NLGN1: variants seen among roughly 807,000 people sequenced by gnomAD.
NLGN1 encodes the protein neuroligin 1.
A neutral mutation model predicts 65.5 loss-of-function variants in NLGN1; 12 were observed. That is an observed-to-expected ratio of 0.18 (90% CI 0.12 to 0.30). The LOEUF (loss-of-function observed/expected upper bound fraction) is 0.30, where lower values mean the gene tolerates loss of function less well. Among genes scored for constraint, NLGN1 ranks in the 10% least tolerant of loss-of-function variants. NLGN1 has a pLI of 1.00. For missense variants in NLGN1, 750 were observed against 1,007.1 expected (o/e 0.74, Z 3.46); for synonymous variants, 350 against 359.5 (o/e 0.97, Z 0.30).
At chr3:173,436,546 C>T (rs952910415) in intron 2 of NLGN1, among the ~76,000 whole-genome samples, 10 of 152,288 alleles carry the variant, frequency 6.6e-5, no homozygotes, top group Admixed American at 2.0e-4. Context: ...CGTGGTTTAA[C>T]TATGTGTCCC....
downstream of NLGN1, among the ~76,000 whole-genome samples, chr3:174,288,823 C>A (rs762251821): frequency 7.3e-5 from 11 of 151,456 alleles, no homozygotes; most frequent in Non-Finnish European, 1.3e-4. Flanking sequence ...CTATTACATT[C>A]TTTGTTGGCC....
At chr3:173,889,791 A>G (rs1315150169) in intron 4 of NLGN1, among the ~76,000 whole-genome samples, 1 of 151,674 alleles carries the variant, frequency 6.6e-6, no homozygotes, top group Non-Finnish European at 1.5e-5. Flanking sequence ...CATCCAAAAA[A>G]TATGCATCCT....
chr3:173,805,511 G>A (rs1010363892), intron 3 of NLGN1, among the ~76,000 whole-genome samples: 1 of 152,134 alleles, frequency 6.6e-6, no homozygotes, highest in Non-Finnish European at 1.5e-5. Context: ...TTCTGACAAT[G>A]TCCACTTAAT....
At chr3:173,739,883 A>C (rs1006827421) in intron 3 of NLGN1, among the ~76,000 whole-genome samples, 1 of 152,100 alleles carries the variant, frequency 6.6e-6, no homozygotes, top group Non-Finnish European at 1.5e-5. Context: ...TTCTGGGTGG[A>C]ATTCTTTCAT....
chr3:174,098,819 C>G (rs982194742), intron 4 of NLGN1, among the ~76,000 whole-genome samples: 2 of 152,126 alleles, frequency 1.3e-5, no homozygotes, highest in African/African-American at 4.8e-5. Flanking sequence ...GTTTAAATAA[C>G]TGAATATAAA....
chr3:173,980,501 A>G (rs1320134962), intron 4 of NLGN1, among the ~76,000 whole-genome samples: 1 of 151,896 alleles, frequency 6.6e-6, no homozygotes, highest in East Asian at 1.9e-4. Context: ...CATTTAGTTT[A>G]TTTCTATTTT....
At chr3:173,690,980 A>G (rs1765382336) in intron 3 of NLGN1, among the ~76,000 whole-genome samples, 10 of 152,156 alleles carry the variant, frequency 6.6e-5, no homozygotes. Context: ...AAGGGTGAAC[A>G]CAGTTCTAGG....
Position 174,067,491 on chromosome 3 carries a change from C to T in NLGN1, c.647-207824C>T, listed in dbSNP as rs1156986211. Among the ~76,000 whole-genome samples, 6 of 152,272 alleles carry T rather than the reference C, an allele frequency of 3.9e-5. No homozygotes were observed. The East Asian group carries it at 7.7e-4, about 20-fold the overall frequency. ...TTACAAAATGCAGCTTAAACATCTG[C>T]TTCCAAAGTCGGTGTTTTCTTTCTT... is the stretch of plus-strand genomic sequence containing the variant. On this transcript the variant is annotated intron_variant, in intron 4 of 6. Transcript: ENST00000457714.
chr3:173,549,518 T>A (rs750851884), intron 2 of NLGN1, among the ~76,000 whole-genome samples: 1 of 151,998 alleles, frequency 6.6e-6, no homozygotes, highest in Non-Finnish European at 1.5e-5. Context: ...TGCAGATTTT[T>A]CCATTTATTG....
At chr3:174,173,369 C>T (rs548579044) in intron 4 of NLGN1, among the ~76,000 whole-genome samples, 43 of 152,136 alleles carry the variant, frequency 2.8e-4, no homozygotes, top group Non-Finnish European at 5.0e-4. Flanking sequence ...TGAAAGCAGT[C>T]ATCCTTGTCA....
chr3:173,423,052 C>T (rs532173268), intron 1 of NLGN1, among the ~76,000 whole-genome samples: 6 of 152,076 alleles, frequency 3.9e-5, no homozygotes, highest in East Asian at 1.9e-4. Flanking sequence ...TGGTAGAGGG[C>T]GAAGGAGAAG....
chr3:173,434,778 A>G (rs1323688375), intron 1 of NLGN1, among the ~76,000 whole-genome samples: 1 of 152,228 alleles, frequency 6.6e-6, no homozygotes, highest in African/African-American at 2.4e-5. Flanking sequence ...GAAGCTTTCT[A>G]TTAGGCAAGA....
chr3:173,604,682 A>G (rs1273276697), exon 3 of NLGN1: 4 of 1,613,592 alleles, frequency 2.5e-6, no homozygotes, highest in Non-Finnish European at 3.4e-6. Context: ...TGGGTGCCCC[A>G]TTGACTCTCT....
chr3:173,993,910 G>A (rs1239658921), intron 4 of NLGN1, among the ~76,000 whole-genome samples: 1 of 151,684 alleles, frequency 6.6e-6, no homozygotes, highest in Non-Finnish European at 1.5e-5. Flanking sequence ...ACACATATAT[G>A]TATATGAGTG....
intron 3 of NLGN1, among the ~76,000 whole-genome samples, chr3:173,692,788 C>T (rs1311263774): frequency 6.6e-6 from 1 of 152,020 alleles, no homozygotes; most frequent in Non-Finnish European, 1.5e-5. Flanking sequence ...AGCTGCATTA[C>T]CTCTAATCCT....
intron 3 of NLGN1, among the ~76,000 whole-genome samples, chr3:173,657,877 ACT>A (rs1451142671): frequency 1.3e-5 from 2 of 151,378 alleles, no homozygotes; most frequent in Non-Finnish European, 3.0e-5. Flanking sequence ...TTTTCTTATG[ACT>A]CTCCTTTTTT....
Position 173,556,919 on chromosome 3 carries a change from G to T in NLGN1, c.-320-47360G>T, listed in dbSNP as rs555612300. Among the ~76,000 whole-genome samples, 3 of 152,118 alleles carry T rather than the reference G, an allele frequency of 2.0e-5. No homozygotes were observed. The East Asian group carries it at 5.8e-4, about 29-fold the overall frequency. On this transcript the variant is annotated intron_variant, in intron 2 of 6. Coordinates refer to ENST00000457714, the Ensembl canonical transcript of NLGN1. ...AACTTATTTTTTGCCCCAGATTATG[G>T]TATATCTTGATAAATGTTCCATGTG...
At chr3:173,873,817 A>G (rs183982761) in intron 4 of NLGN1, among the ~76,000 whole-genome samples, 1 of 152,180 alleles carries the variant, frequency 6.6e-6, no homozygotes, top group Non-Finnish European at 1.5e-5. Flanking sequence ...TTCCCAAAAA[A>G]GTCATATGTT....
At chr3:173,652,463 C>A (rs1347875551) in intron 3 of NLGN1, among the ~76,000 whole-genome samples, 1 of 152,024 alleles carries the variant, frequency 6.6e-6, no homozygotes, top group Admixed American at 6.6e-5. Flanking sequence ...AGAGAGGGGT[C>A]CAGTTTCATT....
Sources: allele counts gnomAD v4.1 joint callset (sites outside exome capture counted in the v4.1 genomes callset), GRCh38; gene constraint gnomAD v4.1.1; transcripts MANE v1.5; gene names NCBI Gene and HGNC (gene_info 2026-07-23, HGNC 2026-07-21).